The following PGAP6 variants were observed in gnomAD, a reference collection of about 807,000 sequenced individuals.
The protein encoded by PGAP6 is post-GPI attachment to proteins factor 6.
Under a neutral mutation model 68.4 loss-of-function variants are expected in PGAP6, and 62 were observed. That is an observed-to-expected ratio of 0.91 (90% CI 0.74 to 1.12). PGAP6 has a LOEUF of 1.12. Among genes scored for constraint, PGAP6 ranks in the 50% most tolerant of loss-of-function variants. The pLI is 0.00. For missense variants in PGAP6, 1,188 were observed against 1,068.5 expected (o/e 1.11, Z -1.56); for synonymous variants, 575 against 474.0 (o/e 1.21, Z -2.77).
upstream of PGAP6, among the ~76,000 whole-genome samples, chr16:384,906 T>C (rs1597170183): frequency 2.0e-5 from 3 of 148,836 alleles, no homozygotes; most frequent in Middle Eastern, 0.011. Flanking sequence ...CTAATGCCTA[T>C]AATCCCAGCA....
chr16:373,686 T>C (rs918349825), intron 11 of PGAP6, among the ~76,000 whole-genome samples: 3 of 152,222 alleles, frequency 2.0e-5, no homozygotes, highest in Non-Finnish European at 4.4e-5. Context: ...ACCACAGGCA[T>C]GTACCACTAC....
chr16:378,477 C>G (rs1301787603), intron 1 of PGAP6, among the ~76,000 whole-genome samples: 1 of 61,264 alleles, frequency 1.6e-5, no homozygotes, highest in Non-Finnish European at 3.4e-5. Flanking sequence ...TCGCCACCCG[C>G]ACTGCCATCG....
chr16:384,104 G>T (rs72765895), upstream of PGAP6, among the ~76,000 whole-genome samples: 5,742 of 152,280 alleles, frequency 0.038, 146 homozygotes, highest in Non-Finnish European at 0.056. Context: ...GTGCTGTGCC[G>T]GACTGCACCC....
chr16:374,776 G>A lies in PGAP6; in HGVS notation c.1556C>T (p.Ala519Val), dbSNP rs775269972. Reference protein sequence around the residue: ...LLLRRHSYLYASCSCKAGWRG... With the variant: ...LLLRRHSYLYVSCSCKAGWRG... The stretch of plus-strand genomic sequence containing the variant: ...CTCACCTGCCTTGCAGCTGCAGCTG[G>A]CATACAGGTAGCTGTGTCTGCGGAG... The change falls in exon 9 of 13, where the codon GCC becomes GTC. Residue 519 changes from alanine to valine, a missense_variant. Transcript: ENST00000431232. The A allele has an allele frequency of 6.2e-7, 1 of 1,612,688 alleles. No individual in the cohort carries two copies. The highest frequency in any genetic ancestry group is 1.1e-5 in the South Asian group (1 of 91,064).
rs754458989 is a variant in PGAP6 at position 377,688 on chromosome 16, G to A, written c.282C>T (p.Thr94=). 49 of 1,588,484 alleles carry A rather than the reference G, an allele frequency of 3.1e-5. No homozygotes were observed. The highest frequency in any genetic ancestry group is 1.2e-4 in the African/African-American group (9 of 74,426). ...CCACCTACACGGTGATCTCCGCGTC[G>A]GTGCAGGCAGCGCCGCTCTCCCGGG... ...QVSRESGAAC[T]DAEITVHFRS... is the part of the protein sequence containing the mutation. The change falls in exon 2 of 13, where the codon ACC becomes ACT. Residue 94 remains threonine (T), a synonymous_variant. Transcript: ENST00000431232.
rs200740011 is a variant in PGAP6 at position 374,719 on chromosome 16, A to G, written c.1576+37T>C. 1.2e-5 allele frequency: 20 copies of G among 1,609,144 alleles called. No homozygotes were observed. The Admixed American group carries it at 3.3e-4, about 27-fold the overall frequency. On this transcript the variant is annotated intron_variant, in intron 9 of 12. Coordinates refer to ENST00000431232, the MANE Select transcript of PGAP6 (RefSeq NM_021259.3). ...CAGCACAGCACTGGAAGCCAACAGC[A>G]GCAGCGTCTCGGGGCGGGCGGGGCC...
chr16:382,091 A>AGGG (rs909116095), upstream of PGAP6: 8,353 of 282,254 alleles, frequency 0.03, 424 homozygotes, highest in South Asian at 0.11. Context: ...GGGCGCCGGT[A>AGGG]GGGGGGAGGG....
rs770674576 is a variant in PGAP6, at chr16:376,265, C to T, written c.1095G>A (p.Ser365=). ...PVTREDMDVV[S]VHFQPLDRVS... Reference sequence around the variant, plus strand: ...CCCTGTCCAGGGGCTGGAAGTGCACCGACACCACGTCCATGTCCTCCCGCG... The same window carrying T: ...CCCTGTCCAGGGGCTGGAAGTGCACTGACACCACGTCCATGTCCTCCCGCG... The change falls in exon 6 of 13, where the codon TCG becomes TCA. Residue 365 remains serine, a synonymous_variant. Transcript: ENST00000431232. 15 of 1,612,668 alleles carry T rather than the reference C, an allele frequency of 9.3e-6. No homozygotes were observed. The highest frequency in any genetic ancestry group is 5.3e-5 in the African/African-American group (4 of 74,906).
chr16:376,221 G>A lies in PGAP6; in HGVS notation c.1139C>T (p.Ser380Leu), dbSNP rs146617062. Residue 380 changes from serine to leucine, a missense_variant, in exon 6 of 13, where the codon TCG (serine) becomes TTG (leucine). Coordinates refer to ENST00000431232, the MANE Select transcript of PGAP6 (RefSeq NM_021259.3). ...PLDRVSVRVC[S>L]DTPSVMRLRL... ...CAGCCGCATCACGGAGGGCGTGTCCGAACACACCCTCACCGAGACCCTGTC... is the reference window on the plus strand; with the variant it reads ...CAGCCGCATCACGGAGGGCGTGTCCAAACACACCCTCACCGAGACCCTGTC... The A allele has an allele frequency of 3.1e-4, 502 of 1,612,716 alleles. No homozygotes were observed. The Middle Eastern group carries it at 3.3e-3, about 11-fold the overall frequency.
At chr16:380,044 T>C (rs1205553914) in intron 1 of PGAP6, among the ~76,000 whole-genome samples, 1 of 152,130 alleles carries the variant, frequency 6.6e-6, no homozygotes, top group Non-Finnish European at 1.5e-5. Context: ...TGGGAGACCC[T>C]GACCACCCAC....
Position 372,112 on chromosome 16 carries a change from C to A in PGAP6, c.2191G>T (p.Gly731Trp), listed in dbSNP as rs753832478. The A allele has an allele frequency of 6.2e-7, 1 of 1,612,836 alleles. No homozygotes were observed. The highest frequency in any genetic ancestry group is 1.1e-5 in the South Asian group (1 of 91,086). Residue 731 changes from glycine (G) to tryptophan (W), a missense_variant, in exon 13 of 13, where the codon GGG becomes TGG. Coordinates refer to ENST00000431232, the MANE Select transcript of PGAP6 (RefSeq NM_021259.3). Reference protein sequence around the residue: ...THSIWHILLAGSAALLLPPPD... With the variant: ...THSIWHILLAWSAALLLPPPD... ...GGCGGCAGCAGCAAGGCTGCGCTCC[C>A]GGCCAGCAGGATGTGCCAGATGCTG... is the stretch of plus-strand genomic sequence containing the variant.
upstream of PGAP6, among the ~76,000 whole-genome samples, chr16:384,594 G>A (rs865884281): frequency 6.6e-6 from 1 of 152,186 alleles, no homozygotes; most frequent in Non-Finnish European, 1.5e-5. Context: ...GGTGTCTCAC[G>A]CCTGTAATCC....
intron 12 of PGAP6, 131 bp from the exon 13 acceptor site, chr16:372,414 G>T: frequency 9.1e-7 from 1 of 1,096,776 alleles, no homozygotes; most frequent in Non-Finnish European, 1.3e-6. Context: ...GCTGCTTCGA[G>T]GGGGCTCAAG....
chr16:372,403 G>T, intron 12 of PGAP6, 120 bp from the exon 13 acceptor site: 1 of 1,192,892 alleles, frequency 8.4e-7, no homozygotes, highest in Non-Finnish European at 1.2e-6. Flanking sequence ...GACAAGGGTG[G>T]GCTGCTTCGA....
At chr16:375,525 G>C in intron 6 of PGAP6, 90 bp from the exon 7 acceptor site, 6 of 1,098,088 alleles carry the variant, frequency 5.5e-6, no homozygotes, top group Non-Finnish European at 8.0e-6. Context: ...CCTGGTGCTG[G>C]TGCCTTTCTT....
chr16:371,959 C>G lies in PGAP6; in HGVS notation c.*28G>C, dbSNP rs1359919160. 3 of 1,597,840 alleles carry G rather than the reference C, an allele frequency of 1.9e-6. No individual in the cohort carries two copies. The highest frequency in any genetic ancestry group is 2.6e-6 in the Non-Finnish European group (3 of 1,171,140). ...TACAGCTCCTGGCTGAAGAGGTCAT[C>G]AGAGCAGCAGCTGTCCCCAGGCCAG... On this transcript the variant is annotated 3_prime_UTR_variant, in exon 13 of 13. Transcript: ENST00000431232.
rs147582045 is a variant in PGAP6, at chr16:371,999, G to A, written c.2304C>T (p.Tyr768=). Residue 768 remains tyrosine, a synonymous_variant, in exon 13 of 13, where the codon TAC becomes TAT. Coordinates refer to ENST00000431232, the MANE Select transcript of PGAP6 (RefSeq NM_021259.3). ...CCCCAGGCCAGTGTCACGTCACTGC[G>A]TACAGTTCCTCCCGATCGTTCTTGC... ...QICKNDREEL[Y]AVT is the part of the protein sequence containing the mutation. 223 of 1,612,280 alleles carry A rather than the reference G, an allele frequency of 1.4e-4. No homozygotes were observed. The highest frequency in any genetic ancestry group is 3.3e-4 in the Admixed American group (20 of 59,992).
chr16:380,342 C>A (rs1219798801), intron 1 of PGAP6, among the ~76,000 whole-genome samples: 2 of 151,968 alleles, frequency 1.3e-5, no homozygotes, highest in African/African-American at 2.4e-5. Context: ...CATTACCACA[C>A]CCAGGTTATT....
At chr16:378,373 GCC>G (rs2054409396) in intron 1 of PGAP6, among the ~76,000 whole-genome samples, 3 of 112,606 alleles carry the variant, frequency 2.7e-5, no homozygotes, top group African/African-American at 3.8e-5. Flanking sequence ...CACCCGCACT[GCC>G]ATCGCCACCC....
Sources: allele counts gnomAD v4.1 joint callset (sites outside exome capture counted in the v4.1 genomes callset), GRCh38; gene constraint gnomAD v4.1.1; transcripts MANE v1.5; gene names NCBI Gene and HGNC (gene_info 2026-07-23, HGNC 2026-07-21).